Variants in NRP1 observed in about 807,000 individuals in gnomAD.
NRP1 encodes neuropilin 1, also known as neuropilin-1.
Under a neutral mutation model 106.7 loss-of-function variants are expected in NRP1, and 35 were observed. That is an observed-to-expected ratio of 0.33 (90% CI 0.25 to 0.43). The LOEUF is 0.43. Ranked by LOEUF, NRP1 falls within the 20% of genes least tolerant of loss-of-function variation. The pLI is 1.00. For missense variants in NRP1, 1,024 were observed against 1,170.4 expected, an observed-to-expected ratio of 0.87 and a Z score of 1.83; for synonymous variants, 437 against 417.9, an observed-to-expected ratio of 1.05 and a Z score of -0.56.
chr10:33,190,569 G>T (rs559914014), intron 13 of NRP1, among the ~76,000 whole-genome samples: 1 of 152,162 alleles, frequency 6.6e-6, no homozygotes, highest in East Asian at 1.9e-4. Context: ...AATGGGAAAG[G>T]CATGAAGTAC....
intron 2 of NRP1, among the ~76,000 whole-genome samples, chr10:33,285,619 C>T (rs1361884762): frequency 6.6e-6 from 1 of 152,078 alleles, no homozygotes; most frequent in Non-Finnish European, 1.5e-5. Context: ...CACCTGAGGT[C>T]AGGAGTTTGA....
At chr10:33,303,458 T>C (rs1845941619) in intron 2 of NRP1, among the ~76,000 whole-genome samples, 1 of 152,224 alleles carries the variant, frequency 6.6e-6, no homozygotes, top group Admixed American at 6.5e-5. Context: ...CAGGGGATTA[T>C]AGCGTAGTTC....
At chr10:33,217,110 C>T (rs1588748078) in intron 8 of NRP1, among the ~76,000 whole-genome samples, 1 of 152,156 alleles carries the variant, frequency 6.6e-6, no homozygotes, top group East Asian at 1.9e-4. Context: ...CCACGGTGTT[C>T]ATACCTGCCT....
In NRP1 at chr10:33,221,720, T is replaced by G. The variant is rs1046107946; in HGVS notation, c.1281A>C (p.Thr427=). 1.9e-6 allele frequency: 3 copies of G among 1,613,110 alleles called. No individual in the cohort carries two copies. The highest frequency in any genetic ancestry group is 2.5e-6 in the Non-Finnish European group (3 of 1,179,202). The change falls in exon 8 of 17, where the codon ACA becomes ACC. Residue 427 remains threonine, a splice_region_variant and synonymous_variant. Coordinates refer to ENST00000374867, the MANE Select transcript of NRP1 (RefSeq NM_003873.7). Reference sequence around the variant, plus strand: ...AGTCTTCAATCTTCCACAGCTTACCTGTTATCTTGCAACCGTATACTTCAA... The same window carrying G: ...AGTCTTCAATCTTCCACAGCTTACCGGTTATCTTGCAACCGTATACTTCAA... The part of the protein sequence containing the change: ...MRFEVYGCKI[T]DYPCSGMLGM...
chr10:33,254,233 G>A (rs1430831124), intron 5 of NRP1, 39 bp from the exon 6 acceptor site: 1 of 1,540,218 alleles, frequency 6.5e-7, no homozygotes, highest in Non-Finnish European at 8.7e-7. Flanking sequence ...TCAAAATATA[G>A]GGGATTTAAG....
At chr10:33,270,052 T>C (rs1167572499) in intron 3 of NRP1, among the ~76,000 whole-genome samples, 2 of 152,144 alleles carry the variant, frequency 1.3e-5, no homozygotes, top group African/African-American at 4.8e-5. Flanking sequence ...GTAGAAAAAT[T>C]TTCTTCCATG....
chr10:33,208,547 G>A (rs1211438513), intron 9 of NRP1, among the ~76,000 whole-genome samples: 4 of 152,170 alleles, frequency 2.6e-5, no homozygotes, highest in African/African-American at 4.8e-5. Context: ...AGAAATGGAT[G>A]AGCCTCCTTA....
intron 2 of NRP1, among the ~76,000 whole-genome samples, chr10:33,292,209 G>C (rs1165937156): frequency 2.6e-5 from 4 of 152,126 alleles, no homozygotes; most frequent in African/African-American, 7.2e-5. Context: ...AGATTTAGTT[G>C]TGAAGTCAGA....
chr10:33,212,562 A>T (rs1214570867), intron 9 of NRP1: 2 of 152,250 alleles, frequency 1.3e-5, no homozygotes, highest in Non-Finnish European at 1.5e-5. Flanking sequence ...GTTTTGCAAG[A>T]TGAGAAAGTT....
At chr10:33,311,586 G>C (rs1369364512) in intron 2 of NRP1, among the ~76,000 whole-genome samples, 5 of 152,034 alleles carry the variant, frequency 3.3e-5, no homozygotes, top group African/African-American at 7.3e-5. Context: ...CATACTGGTT[G>C]GTCAATAAAT....
chr10:33,280,854 C>T (rs530175905), intron 2 of NRP1, among the ~76,000 whole-genome samples: 3 of 151,954 alleles, frequency 2.0e-5, no homozygotes, highest in Admixed American at 6.5e-5. Context: ...TGGTGGCACA[C>T]GCCTGTAGTC....
At chr10:33,273,789 C>G (rs1843484875) in intron 2 of NRP1, among the ~76,000 whole-genome samples, 1 of 152,142 alleles carries the variant, frequency 6.6e-6, no homozygotes, top group Admixed American at 6.5e-5. Context: ...CTCTGTCTGT[C>G]TGGGTCCCTG....
intron 2 of NRP1, among the ~76,000 whole-genome samples, chr10:33,289,394 A>G (rs548822917): frequency 6.6e-6 from 1 of 152,268 alleles, no homozygotes; most frequent in East Asian, 1.9e-4. Flanking sequence ...ACGTCTATAA[A>G]TCCCTAGGTG....
chr10:33,235,271 G>A (rs1400617045), intron 6 of NRP1, among the ~76,000 whole-genome samples: 1 of 152,210 alleles, frequency 6.6e-6, no homozygotes, highest in East Asian at 1.9e-4. Context: ...CGATGCAGCA[G>A]GTTAACACTC....
rs369510801 is a variant in NRP1 at position 33,324,487 on chromosome 10, T to C, written c.248+6221A>G. Among the ~76,000 whole-genome samples, 334 of 152,338 alleles carry C rather than the reference T, an allele frequency of 2.2e-3. 2 individuals carry two copies. In the South Asian group the frequency reaches 0.03, roughly 14 times the overall value. ...TAAAGCAGGCTCCAGATTGAAAAGT[T>C]TGAAACAAAGACAAGATATTTCCAT... is the stretch of plus-strand genomic sequence containing the variant. On this transcript the variant is annotated intron_variant, in intron 2 of 16. Coordinates refer to ENST00000374867, the MANE Select transcript of NRP1 (RefSeq NM_003873.7).
chr10:33,275,624 G>A (rs571993114), intron 2 of NRP1, among the ~76,000 whole-genome samples: 3 of 151,910 alleles, frequency 2.0e-5, no homozygotes, highest in East Asian at 1.9e-4. Context: ...CAGGCCAGGC[G>A]TGGAGGCTCA....
At chr10:33,250,528 A>C (rs1201910891) in intron 6 of NRP1, among the ~76,000 whole-genome samples, 2 of 152,254 alleles carry the variant, frequency 1.3e-5, no homozygotes, top group Non-Finnish European at 2.9e-5. Context: ...AACGTGATTC[A>C]GCAGGGAGGT....
chr10:33,253,253 G>C (rs571849357), intron 6 of NRP1, among the ~76,000 whole-genome samples: 1 of 152,302 alleles, frequency 6.6e-6, no homozygotes, highest in South Asian at 2.1e-4. Flanking sequence ...GGTTGGGCAA[G>C]TGGGCATTAG....
At chr10:33,286,200 A>G (rs976007652) in intron 2 of NRP1, among the ~76,000 whole-genome samples, 3 of 152,230 alleles carry the variant, frequency 2.0e-5, no homozygotes, top group African/African-American at 7.2e-5. Context: ...CCAAACACAG[A>G]TAAGCAAAGA....
Sources: gnomAD v4.1 joint callset for allele counts (sites outside exome capture counted in the v4.1 genomes callset) on GRCh38, gnomAD v4.1.1 for gene constraint, MANE v1.5 for transcripts, NCBI Gene and HGNC (gene_info 2026-07-23, HGNC 2026-07-21) for gene names.